Variants in AOAH observed in about 807,000 individuals in gnomAD.
AOAH encodes the protein acyloxyacyl hydrolase, also known as acyloxyacyl hydrolase (neutrophil).
Under a neutral mutation model 92.2 loss-of-function variants are expected in AOAH, and 64 were observed. The ratio of observed to expected loss-of-function variants is 0.69; its 90% confidence interval spans 0.57 to 0.86. The LOEUF (loss-of-function observed/expected upper bound fraction) is 0.86. Among genes scored for constraint, AOAH ranks in the 40% least tolerant of loss-of-function variants. The pLI is 0.00. For synonymous variants in AOAH, 263 were observed against 254.5 expected, an observed-to-expected ratio of 1.03 and a Z score of -0.32; for missense variants, 656 against 694.6, an observed-to-expected ratio of 0.94 and a Z score of 0.62.
chr7:36,538,008 CTT>C (rs200856759), intron 16 of AOAH, among the ~76,000 whole-genome samples: 12,842 of 127,710 alleles, frequency 0.1, 576 homozygotes, highest in East Asian at 0.16. Flanking sequence ...TTCGTACATT[CTT>C]TTTTTTTTTT....
intron 2 of AOAH, among the ~76,000 whole-genome samples, chr7:36,675,310 C>T (rs1232434732): frequency 1.3e-5 from 2 of 152,142 alleles, no homozygotes; most frequent in Non-Finnish European, 2.9e-5. Flanking sequence ...AAACTGTGTC[C>T]TCACATTATG....
In AOAH at chr7:36,549,421, T is replaced by C. The variant is rs778686603; in HGVS notation, c.1058+18A>G. 18 of 1,580,354 alleles carry C rather than the reference T, an allele frequency of 1.1e-5. No individual in the cohort carries two copies. Among genetic ancestry groups the C allele is most frequent in the Non-Finnish European group, 1.3e-5 (15 of 1,154,598 alleles). On this transcript the variant is annotated intron_variant, in intron 14 of 20. Transcript: ENST00000617537. ...AATGAGAAACCAAATTAAAAACAAC[T>C]TCTTATCTTCTGCTTACCTTTCTAT...
intron 3 of AOAH, among the ~76,000 whole-genome samples, chr7:36,661,770 G>A (rs557113959): frequency 2.6e-5 from 4 of 152,230 alleles, no homozygotes; most frequent in African/African-American, 9.6e-5. Flanking sequence ...GCCTGAATGT[G>A]AGTCACTGAA....
intron 1 of AOAH, among the ~76,000 whole-genome samples, chr7:36,705,040 C>T (rs1405574465): frequency 6.6e-6 from 1 of 152,116 alleles, no homozygotes; most frequent in East Asian, 1.9e-4. Flanking sequence ...CAATATCATA[C>T]TGAATGGGCA....
chr7:36,631,510 A>C (rs1050140598), intron 6 of AOAH, among the ~76,000 whole-genome samples: 2 of 152,188 alleles, frequency 1.3e-5, no homozygotes, highest in Admixed American at 6.5e-5. Context: ...GAGCTGGAAT[A>C]TGGACAGGAG....
Position 36,540,390 on chromosome 7 carries a change from T to A in AOAH, c.1235A>T (p.His412Leu). ...ATCTGGTAAGCCATACAAAATAACA[T>A]GGCTGCCATTGGGCAGGTGGGAATT... ...HLNSHLPNGS[H>L]VILYGLPDGT... Residue 412 changes from histidine (H) to leucine (L), a missense_variant, in exon 16 of 21, where the codon CAT (histidine) becomes CTT (leucine). Physicochemically the swap from His to Leu is moderately conservative, Grantham distance 99. Transcript: ENST00000617537. 2 of 1,614,032 alleles carry A rather than the reference T, an allele frequency of 1.2e-6. No individual in the cohort carries two copies. Among genetic ancestry groups the A allele is most frequent in the Non-Finnish European group, 8.5e-7 (1 of 1,179,936 alleles).
rs1308927343 is a variant in AOAH, at chr7:36,640,512, A to T, written c.391-2602T>A. ...AGGCCGGGGCAACAGGGGCTTAGCC[A>T]GCACAGACAGAGTGGCTGTGTGTAG... is the stretch of plus-strand genomic sequence containing the variant. On this transcript the variant is annotated intron_variant, in intron 4 of 20. Transcript: ENST00000617537. 2.0e-5 allele frequency among the ~76,000 whole-genome samples: 3 copies of T among 152,282 alleles called. No homozygotes were observed. In the East Asian group the frequency reaches 5.8e-4, roughly 30 times the overall value.
intron 18 of AOAH, among the ~76,000 whole-genome samples, chr7:36,531,890 G>A (rs1019229432): frequency 6.6e-6 from 1 of 151,812 alleles, no homozygotes; most frequent in South Asian, 2.1e-4. Context: ...AGGGGAGGGT[G>A]TGTACACACA....
intron 2 of AOAH, among the ~76,000 whole-genome samples, chr7:36,684,137 T>C (rs898771271): frequency 4.6e-5 from 7 of 152,206 alleles, no homozygotes; most frequent in African/African-American, 1.7e-4. Context: ...AGGCTTGATA[T>C]GTACCAGATA....
intron 9 of AOAH, among the ~76,000 whole-genome samples, 161 bp from the exon 10 acceptor site, chr7:36,618,506 G>A (rs1385796452): frequency 3.3e-5 from 5 of 152,202 alleles, no homozygotes; most frequent in Non-Finnish European, 7.3e-5. Flanking sequence ...CGCCCTGTGC[G>A]AGCGAGTCGG....
chr7:36,610,513 A>T (rs867151401), intron 11 of AOAH, among the ~76,000 whole-genome samples: 696 of 32,504 alleles, frequency 0.021, 2 homozygotes, highest in African/African-American at 0.097. Flanking sequence ...TTTTTTTTTA[A>T]AAAAAAAGAA....
intron 11 of AOAH, among the ~76,000 whole-genome samples, chr7:36,612,220 G>A (rs1025260957): frequency 6.6e-6 from 1 of 152,152 alleles, no homozygotes; most frequent in Non-Finnish European, 1.5e-5. Flanking sequence ...ATAGCCAGTG[G>A]TAGGTAACAT....
intron 1 of AOAH, among the ~76,000 whole-genome samples, chr7:36,700,194 T>A (rs1797947943): frequency 6.6e-6 from 1 of 152,104 alleles, no homozygotes; most frequent in Non-Finnish European, 1.5e-5. Context: ...AACATTTGTA[T>A]ACATATAAGG....
chr7:36,723,883 G>C, intron 1 of AOAH, 139 bp downstream of exon 1: 1 of 869,510 alleles, frequency 1.2e-6, no homozygotes, highest in Non-Finnish European at 1.7e-6. Context: ...ACATTTCTCT[G>C]TGTCAGTGAG....
intron 13 of AOAH, among the ~76,000 whole-genome samples, chr7:36,574,875 A>G (rs1001128674): frequency 2.1e-4 from 32 of 152,098 alleles, no homozygotes; most frequent in Non-Finnish European, 3.4e-4. Context: ...TCTTTGAAAA[A>G]TGTGGTAGAA....
At chr7:36,517,156 G>GTCTTCCTT (rs1554360835) in intron 20 of AOAH, among the ~76,000 whole-genome samples, 1 of 95,432 alleles carries the variant, frequency 1.0e-5, no homozygotes. Context: ...ATCCATGTTA[G>GTCTTCCTT]TCTTTCTTTC....
At position 36,614,325 on chromosome 7, in the gene AOAH, C is replaced by A. The variant is rs1554297867; in HGVS notation, c.846+2055G>T. On this transcript the variant is annotated intron_variant, in intron 11 of 20. Transcript: ENST00000617537. This position sits in a 1 kb window ranked among gnomAD's most constrained non-coding sequence, Gnocchi z 4.2. Reference sequence around the variant, plus strand: ...CCCTGTGCAGTGCATCAGACCCGGGCAGGGCTTTATGTGTGTGCAACCAGT... The same window carrying A: ...CCCTGTGCAGTGCATCAGACCCGGGAAGGGCTTTATGTGTGTGCAACCAGT... Among the ~76,000 whole-genome samples the A allele has an allele frequency of 6.6e-6, 1 of 152,182 alleles. No homozygotes were observed. The highest frequency in any genetic ancestry group is 1.5e-5 in the Non-Finnish European group (1 of 68,044).
At chr7:36,540,528 T>A in intron 15 of AOAH, 37 bp from the exon 16 acceptor site, 2 of 1,582,902 alleles carry the variant, frequency 1.3e-6, no homozygotes, top group East Asian at 2.2e-5. Context: ...CTTGGTTGAT[T>A]GTAAGGATAG....
At chr7:36,581,227 A>T (rs895542912) in intron 12 of AOAH, among the ~76,000 whole-genome samples, 2 of 152,196 alleles carry the variant, frequency 1.3e-5, no homozygotes, top group Non-Finnish European at 2.9e-5. Flanking sequence ...GCTTCTTGGC[A>T]TTCCCTCCAA....
Sources: gnomAD v4.1 joint callset for allele counts (sites outside exome capture counted in the v4.1 genomes callset) on GRCh38, gnomAD v4.1.1 for gene constraint, Gnocchi (gnomAD v3.1) non-coding constraint, MANE v1.5 for transcripts, NCBI Gene and HGNC (gene_info 2026-07-23, HGNC 2026-07-21) for gene names.